Variants in TRAK1 observed in about 807,000 individuals in gnomAD.
TRAK1 encodes trafficking kinesin-binding protein 1.
A neutral mutation model predicts 92.1 loss-of-function variants in TRAK1; 33 were observed. That is an observed-to-expected ratio of 0.36 (90% CI 0.27 to 0.48). The LOEUF is 0.48. TRAK1 is among the 20% of genes least tolerant of loss of function. The pLI is 0.99. For missense variants in TRAK1, 1,123 were observed against 1,257.9 expected, an observed-to-expected ratio of 0.89 and a Z score of 1.62; for synonymous variants, 521 against 517.3, an observed-to-expected ratio of 1.01 and a Z score of -0.10.
At chr3:42,079,873 T>C (rs995261522) in intron 1 of TRAK1, among the ~76,000 whole-genome samples, 1 of 152,192 alleles carries the variant, frequency 6.6e-6, no homozygotes, top group African/African-American at 2.4e-5. Context: ...CGTGATCTCC[T>C]ACTGGAAGTT....
At chr3:42,151,426 T>G (rs1699938036) in intron 2 of TRAK1, 1 of 451,906 alleles carries the variant, frequency 2.2e-6, no homozygotes, top group Non-Finnish European at 4.4e-6. Context: ...GGCTCAACTG[T>G]TCAAGGGTAA....
chr3:42,098,598 A>G (rs762134858), intron 1 of TRAK1, among the ~76,000 whole-genome samples: 3 of 152,202 alleles, frequency 2.0e-5, no homozygotes, highest in Non-Finnish European at 4.4e-5. Context: ...AGCTCCAGCC[A>G]GCTCACCCTT....
In TRAK1 at chr3:42,092,007, A is replaced by G. The variant is rs11925918; in HGVS notation, c.91+447A>G. Among the ~76,000 whole-genome samples, 262 of 152,242 alleles carry G rather than the reference A, an allele frequency of 1.7e-3. 3 individuals carry two copies. In the South Asian group the frequency reaches 0.023, roughly 14 times the overall value. On this transcript the variant is annotated intron_variant, in intron 1 of 15. Coordinates refer to ENST00000327628, the MANE Select transcript of TRAK1 (RefSeq NM_001042646.3). Reference sequence around the variant, plus strand: ...CTGATTTCTTAGATGCTAACCTGGTATCTTGGGTCAGCAAGGAGTTTTTCA... The same window carrying G: ...CTGATTTCTTAGATGCTAACCTGGTGTCTTGGGTCAGCAAGGAGTTTTTCA...
At chr3:42,169,546 G>A (rs1341627478) in intron 2 of TRAK1, among the ~76,000 whole-genome samples, 22 of 151,988 alleles carry the variant, frequency 1.4e-4, no homozygotes, top group African/African-American at 5.3e-4. Context: ...CATATAAAAT[G>A]TGGTGATACA....
At chr3:42,045,851 A>G (rs989423008) in intron 1 of TRAK1, among the ~76,000 whole-genome samples, 1 of 152,210 alleles carries the variant, frequency 6.6e-6, no homozygotes, top group African/African-American at 2.4e-5. Context: ...GGATGGTTAG[A>G]TATCAGGCTG....
chr3:42,039,733 A>G (rs1045026193), intron 1 of TRAK1, among the ~76,000 whole-genome samples: 1 of 152,230 alleles, frequency 6.6e-6, no homozygotes, highest in Non-Finnish European at 1.5e-5. Flanking sequence ...GTGGATGTAT[A>G]ACATGTTTTC....
chr3:42,077,655 A>C (rs1418559607), intron 1 of TRAK1, among the ~76,000 whole-genome samples: 1 of 152,028 alleles, frequency 6.6e-6, no homozygotes, highest in Admixed American at 6.5e-5. Context: ...CATTGTAGAG[A>C]TCTTTCACCT....
Position 42,202,876 on chromosome 3 carries a change from C to T in TRAK1, c.1744+124C>T, listed in dbSNP as rs765506699. The T allele has an allele frequency of 1.3e-5, 19 of 1,469,012 alleles. No homozygotes were observed. Among genetic ancestry groups the T allele is most frequent in the South Asian group, 2.7e-5 (2 of 73,472 alleles). 91.0% of individuals were successfully genotyped at this position (1,469,012 alleles called of 1,614,324 possible). A position where few individuals can be genotyped will look rare whatever the true frequency, so the allele number is the denominator to read the frequency against. Reference sequence around the variant, plus strand: ...TCCTTTTTCTTCCGCGACAGCCACCCGCGCTGCTGGTTTGAGTTCCTCTGA... The same window carrying T: ...TCCTTTTTCTTCCGCGACAGCCACCTGCGCTGCTGGTTTGAGTTCCTCTGA... On this transcript the variant is annotated intron_variant, in intron 13 of 15. Transcript: ENST00000327628. The surrounding 1 kb of genome is among the most constrained non-coding windows in gnomAD (Gnocchi z 6.1).
intron 1 of TRAK1, among the ~76,000 whole-genome samples, chr3:42,099,969 G>A (rs1000589227): frequency 6.6e-6 from 1 of 152,082 alleles, no homozygotes; most frequent in African/African-American, 2.4e-5. Flanking sequence ...AGGTGAGGAT[G>A]CAGCACCATC....
In TRAK1 at chr3:42,125,559, A is replaced by G. The variant is rs779914380; in HGVS notation, c.231A>G (p.Pro77=). 1 of 1,614,236 alleles carries G rather than the reference A, an allele frequency of 6.2e-7. No homozygotes were observed. Among genetic ancestry groups the G allele is most frequent in the Non-Finnish European group, 8.5e-7 (1 of 1,180,038 alleles). ...DDWLHTPLIS[P]DANIDLTTEQ... Reference sequence around the variant, plus strand: ...GGCTCCATACACCTCTCATTTCTCCAGATGCCAACATTGACCTCACAACCG... The same window carrying G: ...GGCTCCATACACCTCTCATTTCTCCGGATGCCAACATTGACCTCACAACCG... Residue 77 remains proline, a synonymous_variant, in exon 2 of 16, where the codon CCA becomes CCG. Transcript: ENST00000327628.
chr3:42,217,155 T>A, intron 14 of TRAK1: 19 of 524,536 alleles, frequency 3.6e-5, no homozygotes, highest in East Asian at 1.6e-4. Flanking sequence ...GCTTTAGGAA[T>A]CAGCCCGTTG....
intron 6 of TRAK1, among the ~76,000 whole-genome samples, chr3:42,190,021 C>T (rs1043971862): frequency 2.0e-5 from 3 of 152,116 alleles, no homozygotes; most frequent in Non-Finnish European, 4.4e-5. Flanking sequence ...CCCCAGGCTG[C>T]TAGGTGTTTT....
At chr3:42,185,300 G>A (rs1050812813) in intron 4 of TRAK1, among the ~76,000 whole-genome samples, 1 of 152,200 alleles carries the variant, frequency 6.6e-6, no homozygotes. Flanking sequence ...CACATTCATC[G>A]TTGTAGTATA....
At chr3:42,080,308 G>A (rs1023689173) in intron 1 of TRAK1, among the ~76,000 whole-genome samples, 7 of 152,064 alleles carry the variant, frequency 4.6e-5, no homozygotes, top group Non-Finnish European at 7.4e-5. Flanking sequence ...TGAGAAGAGT[G>A]GGGCAGGGGA....
intron 1 of TRAK1, among the ~76,000 whole-genome samples, chr3:42,025,669 A>G (rs1001255053): frequency 1.7e-4 from 23 of 139,270 alleles, no homozygotes; most frequent in African/African-American, 6.0e-4. Flanking sequence ...GGAGGAAATA[A>G]AGCATGAATG....
chr3:42,134,756 T>G (rs1277976842), intron 2 of TRAK1, among the ~76,000 whole-genome samples: 1 of 151,710 alleles, frequency 6.6e-6, no homozygotes, highest in Admixed American at 6.6e-5. Flanking sequence ...TTTTTTTGTA[T>G]TTTTAGTAGA....
intron 1 of TRAK1, among the ~76,000 whole-genome samples, chr3:42,035,263 A>G (rs1256537778): frequency 6.6e-6 from 1 of 151,938 alleles, no homozygotes; most frequent in Non-Finnish European, 1.5e-5. Flanking sequence ...TACTTCTCCA[A>G]CCACACCACC....
At chr3:42,018,722 AT>A (rs1701619429) in intron 1 of TRAK1, among the ~76,000 whole-genome samples, 1 of 152,218 alleles carries the variant, frequency 6.6e-6, no homozygotes, top group African/African-American at 2.4e-5. Flanking sequence ...TAACATGATT[AT>A]GTTGATTAAA....
intron 14 of TRAK1, chr3:42,210,551 A>G (rs889750017): frequency 8.9e-7 from 1 of 1,123,488 alleles, no homozygotes; most frequent in Non-Finnish European, 1.1e-6. Context: ...TTTTAGGGAA[A>G]TTGAGTGCTG....
Sources: allele counts gnomAD v4.1 joint callset (sites outside exome capture counted in the v4.1 genomes callset), GRCh38; gene constraint gnomAD v4.1.1; non-coding constraint Gnocchi (gnomAD v3.1); transcripts MANE v1.5; gene names NCBI Gene and HGNC (gene_info 2026-07-23, HGNC 2026-07-21).